SLC3A1: variants seen among roughly 807,000 people sequenced by gnomAD.
SLC3A1 encodes the protein solute carrier family 3 member 1.
In SLC3A1, 78 loss-of-function variants were observed where a neutral mutation model predicts 60.3. The ratio of observed to expected loss-of-function variants is 1.29; its 90% CI spans 1.08 to 1.56. The LOEUF (loss-of-function observed/expected upper bound fraction) is 1.56, where lower values mean the gene tolerates loss of function less well. Ranked by LOEUF, SLC3A1 falls within the 40% of genes most tolerant of loss-of-function variation. The probability of loss-of-function intolerance (pLI) is 0.00; values close to 1 mark genes in which losing one functional copy is unlikely to be tolerated. For missense variants in SLC3A1, 1,172 were observed against 858.9 expected (o/e 1.36, Z -4.56); for synonymous variants, 392 against 307.9 (o/e 1.27, Z -2.86).
At chr2:44,278,540 C>G (rs1482981114) in intron 1 of SLC3A1, among the ~76,000 whole-genome samples, 1 of 152,118 alleles carries the variant, frequency 6.6e-6, no homozygotes, top group Non-Finnish European at 1.5e-5. Flanking sequence ...TGTCGAATGA[C>G]TCTGTGCTTT....
chr2:44,282,050 T>G (rs1197481039), intron 3 of SLC3A1, among the ~76,000 whole-genome samples: 1 of 152,126 alleles, frequency 6.6e-6, no homozygotes, highest in Non-Finnish European at 1.5e-5. Context: ...TTTTGTATTT[T>G]TAGTAGAGGT....
chr2:44,317,696 T>A (rs1475530791), intron 9 of SLC3A1: 1 of 152,212 alleles, frequency 6.6e-6, no homozygotes, highest in Non-Finnish European at 1.5e-5. Flanking sequence ...ACATAAAATA[T>A]AACAATTTTC....
chr2:44,315,908 G>C (rs1328595731), intron 9 of SLC3A1, among the ~76,000 whole-genome samples: 3 of 152,170 alleles, frequency 2.0e-5, no homozygotes, highest in African/African-American at 7.2e-5. Context: ...CCTAACTCTA[G>C]CACTGTCCCC....
Position 44,280,871 on chromosome 2 carries a change from C to T in SLC3A1, c.586C>T (p.Leu196=), listed in dbSNP as rs756618153. 3 of 1,614,086 alleles carry T rather than the reference C, an allele frequency of 1.9e-6. No homozygotes were observed. The highest frequency in any genetic ancestry group is 2.5e-6 in the Non-Finnish European group (3 of 1,179,998). The part of the protein sequence containing the change: ...IFGTMEDFEN[L]VAAIHDKGLK... ...TGGAACGATGGAAGATTTTGAGAAT[C>T]TGGTTGCAGCCATACATGATAAAGG... Residue 196 remains leucine, a synonymous_variant, in exon 2 of 10, where the codon CTG becomes TTG. Transcript: ENST00000260649.
At chr2:44,304,888 C>T (rs564720886) in intron 7 of SLC3A1, among the ~76,000 whole-genome samples, 44 of 132,440 alleles carry the variant, frequency 3.3e-4, no homozygotes, top group Admixed American at 7.3e-4. Flanking sequence ...ATGGTGCAGT[C>T]ATGGCTCACT....
rs1671995727 is a variant in SLC3A1, at chr2:44,301,132, A to G, written c.1136+5A>G. 5 of 1,614,118 alleles carry G rather than the reference A, an allele frequency of 3.1e-6. No individual in the cohort carries two copies. The East Asian group carries it at 1.1e-4, about 36-fold the overall frequency. ...CACGGAGCCCGGCAGATACAGGTTG[A>G]CCACGGCATATGCTCTCATTTCTTC... On this transcript the variant is annotated splice_donor_5th_base_variant and intron_variant, in intron 6 of 9. Coordinates refer to ENST00000260649, the MANE Select transcript of SLC3A1 (RefSeq NM_000341.4).
Position 44,275,575 on chromosome 2 carries a change from A to G in SLC3A1, c.40A>G (p.Ser14Gly), listed in dbSNP as rs1392598544. The change falls in exon 1 of 10, where the codon AGT becomes GGT. Residue 14 changes from serine (S) to glycine (G), a missense_variant. Ser to Gly is a moderately conservative substitution (Grantham distance 56). Transcript: ENST00000260649. Reference sequence around the variant, plus strand: ...AAGCAAGAGAGACTCCATCGAGATGAGTATGAAGGGATGCCAGACAAACAA... The same window carrying G: ...AAGCAAGAGAGACTCCATCGAGATGGGTATGAAGGGATGCCAGACAAACAA... ...DKSKRDSIEM[S>G]MKGCQTNNGF... 2.5e-6 allele frequency: 4 copies of G among 1,614,172 alleles called. No individual in the cohort carries two copies. The highest frequency in any genetic ancestry group is 2.5e-6 in the Non-Finnish European group (3 of 1,180,020).
chr2:44,287,764 T>C (rs1671650775), intron 4 of SLC3A1, among the ~76,000 whole-genome samples: 1 of 152,144 alleles, frequency 6.6e-6, no homozygotes, highest in Non-Finnish European at 1.5e-5. Context: ...AGGGGAGTCC[T>C]CTGAGCCAAG....
At chr2:44,305,634 G>C (rs1040107950) in intron 7 of SLC3A1, among the ~76,000 whole-genome samples, 6 of 151,940 alleles carry the variant, frequency 3.9e-5, no homozygotes, top group Admixed American at 3.3e-4. Flanking sequence ...TACCATGTTT[G>C]TCAGGCTGTT....
intron 5 of SLC3A1, 139 bp from the exon 6 acceptor site, chr2:44,300,864 C>G (rs772409610): frequency 1.1e-5 from 10 of 889,854 alleles, no homozygotes; most frequent in Non-Finnish European, 1.9e-5. Flanking sequence ...AAGCATTCTT[C>G]TCCATCCACA....
chr2:44,284,402 T>C (rs543047814), intron 3 of SLC3A1, among the ~76,000 whole-genome samples: 6 of 152,236 alleles, frequency 3.9e-5, no homozygotes, highest in Admixed American at 3.9e-4. Context: ...GGTAAATAAC[T>C]AGGAGTAAAA....
At chr2:44,311,777 T>TC (rs1672305014) in intron 7 of SLC3A1, among the ~76,000 whole-genome samples, 2 of 152,120 alleles carry the variant, frequency 1.3e-5, no homozygotes, top group Middle Eastern at 3.4e-3. Flanking sequence ...TTAAGTCTTG[T>TC]CCTAAGACTC....
Position 44,275,548 on chromosome 2 carries a change from A to T in SLC3A1, c.13A>T (p.Lys5Ter). The change falls in exon 1 of 10, where the codon AAA (lysine) becomes TAA (stop). Residue 5 changes from lysine (K) to a stop codon, truncating the protein, a stop_gained. Coordinates refer to ENST00000260649, the MANE Select transcript of SLC3A1 (RefSeq NM_000341.4). LOFTEE classifies it high-confidence loss of function. The part of the protein sequence containing the change: MAED[K>*]SKRDSIEMSM... ...AAGTCGGTGAGACATGGCTGAAGAT[A>T]AAAGCAAGAGAGACTCCATCGAGAT... The T allele has an allele frequency of 6.2e-7, 1 of 1,614,096 alleles. No individual in the cohort carries two copies. The highest frequency in any genetic ancestry group is 8.5e-7 in the Non-Finnish European group (1 of 1,179,982).
intron 4 of SLC3A1, among the ~76,000 whole-genome samples, chr2:44,286,437 A>C (rs1235337135): frequency 1.3e-5 from 2 of 152,216 alleles, no homozygotes; most frequent in African/African-American, 2.4e-5. Context: ...AAATGGAAGG[A>C]GTCAGAAACA....
chr2:44,280,430 G>A (rs367683229), intron 1 of SLC3A1, among the ~76,000 whole-genome samples: 43 of 152,054 alleles, frequency 2.8e-4, no homozygotes, highest in African/African-American at 1.0e-3. Context: ...ATAGAGACGG[G>A]GTTTTGTCAT....
chr2:44,304,775 A>G (rs1339747297), intron 7 of SLC3A1, among the ~76,000 whole-genome samples: 2 of 151,960 alleles, frequency 1.3e-5, no homozygotes, highest in East Asian at 3.9e-4. Flanking sequence ...TGTCGGAGAA[A>G]GAATTTCTCC....
At chr2:44,280,992 A>G (rs1203665367) in intron 2 of SLC3A1, 97 bp downstream of exon 2, 1 of 1,076,318 alleles carries the variant, frequency 9.3e-7, no homozygotes, top group East Asian at 2.4e-5. Flanking sequence ...TAACTGTCAT[A>G]TACTATTTCT....
intron 4 of SLC3A1, among the ~76,000 whole-genome samples, chr2:44,293,691 G>A (rs1251556916): frequency 6.6e-6 from 1 of 152,160 alleles, no homozygotes; most frequent in East Asian, 1.9e-4. Flanking sequence ...TAGCTGGAGC[G>A]AATTGCTCAC....
chr2:44,293,951 G>T (rs1671792887), intron 4 of SLC3A1, among the ~76,000 whole-genome samples: 1 of 48,668 alleles, frequency 2.1e-5, no homozygotes, highest in Non-Finnish European at 5.2e-5. Flanking sequence ...AAAGCACTTA[G>T]GATGCTATTT....
Sources: gnomAD v4.1 joint callset for allele counts (sites outside exome capture counted in the v4.1 genomes callset) on GRCh38, gnomAD v4.1.1 for gene constraint, MANE v1.5 for transcripts, NCBI Gene and HGNC (gene_info 2026-07-23, HGNC 2026-07-21) for gene names.